The following MCF2L2 variants were observed in gnomAD, a reference collection of about 807,000 sequenced individuals.
MCF2L2 encodes the protein MCF.2 cell line derived transforming sequence-like 2.
Under a neutral mutation model 150.2 loss-of-function variants are expected in MCF2L2, and 102 were observed. The ratio of observed to expected loss-of-function variants is 0.68; its 90% CI spans 0.58 to 0.80. The LOEUF (loss-of-function observed/expected upper bound fraction) is 0.80, where lower values mean the gene tolerates loss of function less well. MCF2L2 is among the 30% of genes least tolerant of loss of function. The pLI is 0.00. For missense variants in MCF2L2, 1,256 were observed against 1,372.8 expected, an observed-to-expected ratio of 0.91 and a Z score of 1.34; for synonymous variants, 465 against 491.3, an observed-to-expected ratio of 0.95 and a Z score of 0.71.
chr3:183,422,569 C>T (rs1364219018), intron 1 of MCF2L2, among the ~76,000 whole-genome samples: 1 of 152,166 alleles, frequency 6.6e-6, no homozygotes, highest in African/African-American at 2.4e-5. Flanking sequence ...CAGCTGTAGG[C>T]TCTCCAGGAA....
At chr3:183,256,134 T>G (rs1414872398) in intron 15 of MCF2L2, among the ~76,000 whole-genome samples, 2 of 152,244 alleles carry the variant, frequency 1.3e-5, no homozygotes, top group African/African-American at 4.8e-5. Flanking sequence ...CTTTGAATTT[T>G]TATAATACAT....
At chr3:183,403,274 T>TAAGTA (rs113845651) in intron 1 of MCF2L2, among the ~76,000 whole-genome samples, 1 of 151,352 alleles carries the variant, frequency 6.6e-6, no homozygotes, top group Non-Finnish European at 1.5e-5. Context: ...CGTCTCAAAA[T>TAAGTA]AAATAAAATA....
intron 3 of MCF2L2, among the ~76,000 whole-genome samples, chr3:183,358,016 C>T (rs1050261489): frequency 6.6e-6 from 1 of 152,014 alleles, no homozygotes; most frequent in Admixed American, 6.6e-5. Flanking sequence ...GGCCGGGTGC[C>T]GTGGCTTACA....
intron 22 of MCF2L2, among the ~76,000 whole-genome samples, chr3:183,208,068 T>C (rs574027224): frequency 6.6e-6 from 1 of 152,322 alleles, no homozygotes; most frequent in African/African-American, 2.4e-5. Flanking sequence ...ACATAAAGAA[T>C]GTTAGAAATG....
At chr3:183,329,377 G>A (rs560845625) in intron 5 of MCF2L2, among the ~76,000 whole-genome samples, 91 of 152,152 alleles carry the variant, frequency 6.0e-4, no homozygotes, top group African/African-American at 2.1e-3. Flanking sequence ...AGTAGAGACG[G>A]GGTTTCACCA....
At chr3:183,325,611 T>C (rs914238419) in intron 5 of MCF2L2, among the ~76,000 whole-genome samples, 3 of 152,214 alleles carry the variant, frequency 2.0e-5, no homozygotes, top group Non-Finnish European at 2.9e-5. Context: ...TGTATTTTGC[T>C]TCTTGGAGTA....
intron 1 of MCF2L2, among the ~76,000 whole-genome samples, chr3:183,406,567 C>T (rs1715054586): frequency 1.3e-5 from 2 of 152,198 alleles, no homozygotes; most frequent in South Asian, 4.1e-4. Flanking sequence ...CGGCTCACTG[C>T]AACCTCTGCC....
chr3:183,340,159 C>A (rs191144778), intron 4 of MCF2L2, among the ~76,000 whole-genome samples: 11 of 152,302 alleles, frequency 7.2e-5, no homozygotes, highest in Non-Finnish European at 1.6e-4. Context: ...AAGCTCCTAA[C>A]AGAAGAACCT....
intron 3 of MCF2L2, chr3:183,375,063 AT>A (rs1273874990): frequency 6.7e-6 from 1 of 149,826 alleles, no homozygotes; most frequent in Non-Finnish European, 1.5e-5. Flanking sequence ...ATAACAATAT[AT>A]GTTTTCAAAA....
At chr3:183,328,261 A>C (rs932236777) in intron 5 of MCF2L2, among the ~76,000 whole-genome samples, 9 of 152,302 alleles carry the variant, frequency 5.9e-5, no homozygotes, top group Admixed American at 2.6e-4. Context: ...ACCAGTAAAC[A>C]TAAGTAAAGT....
At chr3:183,333,961 CAAAAAAA>C (rs57368442) in intron 5 of MCF2L2, among the ~76,000 whole-genome samples, 21 of 95,018 alleles carry the variant, frequency 2.2e-4, no homozygotes, top group Non-Finnish European at 4.6e-4. Context: ...AAGGAAGTGC[CAAAAAAA>C]AAAAAAAAAA....
At chr3:183,192,970 G>T (rs778970330) in intron 27 of MCF2L2, 29 bp downstream of exon 27, 2 of 1,562,106 alleles carry the variant, frequency 1.3e-6, no homozygotes, top group Admixed American at 3.3e-5. Context: ...CTGCTTCTGT[G>T]CTCCACTCTC....
chr3:183,421,352 TCTC>T (rs1715873235), intron 1 of MCF2L2, among the ~76,000 whole-genome samples: 1 of 152,244 alleles, frequency 6.6e-6, no homozygotes, highest in Non-Finnish European at 1.5e-5. Context: ...CATTTTTCTC[TCTC>T]CTTCAGATTG....
At chr3:183,329,044 G>A (rs778431884) in intron 5 of MCF2L2, among the ~76,000 whole-genome samples, 4 of 152,200 alleles carry the variant, frequency 2.6e-5, no homozygotes, top group Non-Finnish European at 5.9e-5. Context: ...GGTGGTAAGA[G>A]TATGAAGTAG....
At chr3:183,423,032 T>A (rs1715964102) in intron 1 of MCF2L2, among the ~76,000 whole-genome samples, 1 of 152,234 alleles carries the variant, frequency 6.6e-6, no homozygotes, top group Non-Finnish European at 1.5e-5. Context: ...GTCGATCAAT[T>A]TTTTTAGGGT....
intron 27 of MCF2L2, among the ~76,000 whole-genome samples, chr3:183,192,443 G>T (rs995018051): frequency 6.6e-6 from 1 of 152,126 alleles, no homozygotes; most frequent in African/African-American, 2.4e-5. Context: ...TTGGCCTTGG[G>T]GCCATTATTA....
chr3:183,389,511 G>A (rs1163318841), intron 2 of MCF2L2, among the ~76,000 whole-genome samples, 185 bp downstream of exon 2: 1 of 152,308 alleles, frequency 6.6e-6, no homozygotes. Context: ...AAACAGCAAA[G>A]GGAATAATAT....
chr3:183,289,380 G>A (rs1209353504), intron 13 of MCF2L2, among the ~76,000 whole-genome samples, 160 bp from the exon 14 acceptor site: 1 of 152,206 alleles, frequency 6.6e-6, no homozygotes, highest in African/African-American at 2.4e-5. Flanking sequence ...GAAATTGGAG[G>A]TGAAGGAGAG....
intron 21 of MCF2L2, among the ~76,000 whole-genome samples, chr3:183,219,188 T>C (rs1464101625): frequency 1.3e-5 from 2 of 152,130 alleles, no homozygotes; most frequent in East Asian, 3.9e-4. Flanking sequence ...AAATTAGATA[T>C]ACTAAGAGGT....
Sources: gnomAD v4.1 joint callset for allele counts (sites outside exome capture counted in the v4.1 genomes callset) on GRCh38, gnomAD v4.1.1 for gene constraint, MANE v1.5 for transcripts, NCBI Gene and HGNC (gene_info 2026-07-23, HGNC 2026-07-21) for gene names.